The following CALCR variants were observed in gnomAD, a reference collection of about 807,000 sequenced individuals.
The protein encoded by CALCR is calcitonin receptor.
CALCR carries 47 observed loss-of-function variants against 59.5 expected under a neutral mutation model. The ratio of observed to expected loss-of-function variants is 0.79; its 90% confidence interval spans 0.63 to 1.01. The LOEUF (loss-of-function observed/expected upper bound fraction) is 1.01. CALCR is among the 50% of genes least tolerant of loss of function. The pLI, the probability that CALCR is intolerant of heterozygous loss-of-function variation, is 0.00. For missense variants in CALCR, 566 were observed against 597.1 expected (o/e 0.95, Z 0.54); for synonymous variants, 213 against 211.3 (o/e 1.01, Z -0.07).
intron 11 of CALCR, among the ~76,000 whole-genome samples, chr7:93,436,693 A>C (rs1406586283): frequency 6.6e-6 from 1 of 152,076 alleles, no homozygotes; most frequent in East Asian, 1.9e-4. Flanking sequence ...ATCTTTCTGT[A>C]TCTGAAGCTC....
chr7:93,456,044 A>ATTG (rs2115783760), intron 8 of CALCR, among the ~76,000 whole-genome samples: 1 of 152,284 alleles, frequency 6.6e-6, no homozygotes, highest in South Asian at 2.1e-4. Context: ...AAGAGATCTA[A>ATTG]CAAAACTCTC....
In CALCR at chr7:93,436,103, G is replaced by A. The variant is rs766301884; in HGVS notation, c.998C>T (p.Ala333Val). ...LVTKMRETHEAESHMYLKAVK... is the reference protein window; with the variant it reads ...LVTKMRETHEVESHMYLKAVK... ...AGCCTTCAGGTACATGTGGGATTCC[G>A]CCTCATGGGTTTCCCTCATTTTGGT... Residue 333 changes from alanine to valine, a missense_variant, in exon 12 of 14, where the codon GCG becomes GTG. Coordinates refer to ENST00000426151, the MANE Select transcript of CALCR (RefSeq NM_001742.4). 5.6e-5 allele frequency: 90 copies of A among 1,613,958 alleles called. No individual in the cohort carries two copies. The highest frequency in any genetic ancestry group is 1.6e-4 in the Middle Eastern group (1 of 6,084).
chr7:93,529,873 T>A (rs1361625179), intron 2 of CALCR, among the ~76,000 whole-genome samples: 1 of 152,186 alleles, frequency 6.6e-6, no homozygotes, highest in East Asian at 1.9e-4. Flanking sequence ...AATTTAAGTC[T>A]GTGTTTAGAG....
intron 2 of CALCR, among the ~76,000 whole-genome samples, chr7:93,554,482 C>T (rs921407352): frequency 1.3e-5 from 2 of 151,978 alleles, no homozygotes; most frequent in Admixed American, 6.6e-5. Flanking sequence ...TTAAAGTTAA[C>T]CCTGTCATAA....
In CALCR at chr7:93,441,967, T is replaced by C. The variant is rs1052077254; in HGVS notation, c.802+1637A>G. 5.9e-5 allele frequency among the ~76,000 whole-genome samples: 9 copies of C among 152,256 alleles called. No homozygotes were observed. The South Asian group carries it at 1.9e-3, about 32-fold the overall frequency. On this transcript the variant is annotated intron_variant, in intron 9 of 13. Coordinates refer to ENST00000426151, the MANE Select transcript of CALCR (RefSeq NM_001742.4). ...GCTATTCAGAATTGGAACTTAAAGA[T>C]GGGCATTTAGTTTCTGTGAGTGCCT...
At chr7:93,514,985 T>C (rs147516353) in intron 2 of CALCR, among the ~76,000 whole-genome samples, 1 of 152,036 alleles carries the variant, frequency 6.6e-6, no homozygotes, top group African/African-American at 2.4e-5. Flanking sequence ...TCCAAGGCCA[T>C]GTGGATTCCA....
intron 2 of CALCR, among the ~76,000 whole-genome samples, chr7:93,526,728 C>G (rs34149104): frequency 0.085 from 12,995 of 152,012 alleles, 613 homozygotes; most frequent in African/African-American, 0.099. Context: ...TGTGTTTATT[C>G]AATAGACAGA....
chr7:93,545,719 T>C (rs1278253350), intron 2 of CALCR, among the ~76,000 whole-genome samples: 1 of 152,172 alleles, frequency 6.6e-6, no homozygotes, highest in Non-Finnish European at 1.5e-5. Flanking sequence ...ACAAAAATAG[T>C]TGTCAACTTC....
chr7:93,436,882 T>G (rs1167849223), intron 11 of CALCR, among the ~76,000 whole-genome samples: 4 of 152,202 alleles, frequency 2.6e-5, no homozygotes, highest in Non-Finnish European at 2.9e-5. Flanking sequence ...TTTTTCTGTA[T>G]GTATATCTTA....
chr7:93,539,687 G>T (rs1789080711), intron 2 of CALCR, among the ~76,000 whole-genome samples: 1 of 152,088 alleles, frequency 6.6e-6, no homozygotes, highest in Admixed American at 6.6e-5. Flanking sequence ...GAAAGGCTTG[G>T]TTTTTCCATA....
At chr7:93,477,814 G>T (rs539229622) in intron 4 of CALCR, 146 bp from the exon 5 acceptor site, 2 of 582,092 alleles carry the variant, frequency 3.4e-6, no homozygotes, top group Admixed American at 2.8e-5. Flanking sequence ...CATTTATTTT[G>T]GAAATAAAGT....
chr7:93,441,204 A>G (rs1182280868), intron 9 of CALCR, among the ~76,000 whole-genome samples: 1 of 152,026 alleles, frequency 6.6e-6, no homozygotes, highest in Non-Finnish European at 1.5e-5. Context: ...TTTTTTTCCC[A>G]TGAAAAATTT....
chr7:93,482,776 T>G, intron 3 of CALCR: 1 of 533,630 alleles, frequency 1.9e-6, no homozygotes, highest in Non-Finnish European at 3.9e-6. Flanking sequence ...ATCTTATCAT[T>G]CTTGCAATAT....
intron 2 of CALCR, among the ~76,000 whole-genome samples, chr7:93,522,398 C>T (rs563278081): frequency 4.6e-5 from 7 of 152,238 alleles, no homozygotes; most frequent in South Asian, 2.1e-4. Flanking sequence ...CCATCTACTT[C>T]GTTTTTGGCC....
At chr7:93,468,078 T>C (rs1479065762) in intron 7 of CALCR, among the ~76,000 whole-genome samples, 1 of 151,768 alleles carries the variant, frequency 6.6e-6, no homozygotes, top group Non-Finnish European at 1.5e-5. Context: ...TAACAGTTTC[T>C]AACTTAAATG....
At chr7:93,462,032 T>C (rs1189453065) in intron 7 of CALCR, 28 of 1,265,762 alleles carry the variant, frequency 2.2e-5, no homozygotes, top group Non-Finnish European at 3.1e-5. Context: ...TGGGGAAAGA[T>C]GAAATACAAA....
At chr7:93,560,912 T>C (rs1357402731) in intron 2 of CALCR, among the ~76,000 whole-genome samples, 1 of 152,174 alleles carries the variant, frequency 6.6e-6, no homozygotes, top group African/African-American at 2.4e-5. Flanking sequence ...TGAGTTGTAG[T>C]TTTCTCAATT....
In CALCR at chr7:93,517,020, G is replaced by A. The variant is rs181446634; in HGVS notation, c.-26-30013C>T. Among the ~76,000 whole-genome samples the A allele has an allele frequency of 7.9e-5, 12 of 151,940 alleles. No individual in the cohort carries two copies. In the East Asian group the frequency reaches 2.3e-3, roughly 29 times the overall value. On this transcript the variant is annotated intron_variant, in intron 2 of 13. Transcript: ENST00000426151. ...CTTTTTGCACATTAGAACCATGAGA[G>A]TATAAAATAGCTGGGCATTGAGAAG...
intron 2 of CALCR, among the ~76,000 whole-genome samples, chr7:93,497,662 T>A (rs778731314): frequency 2.0e-5 from 3 of 151,572 alleles, no homozygotes; most frequent in Non-Finnish European, 4.4e-5. Context: ...GCTTTCCATA[T>A]CATACTTGTT....
Sources: allele counts gnomAD v4.1 joint callset (sites outside exome capture counted in the v4.1 genomes callset), GRCh38; gene constraint gnomAD v4.1.1; transcripts MANE v1.5; gene names NCBI Gene and HGNC (gene_info 2026-07-23, HGNC 2026-07-21).